Variants in ADCY1 observed in about 807,000 individuals in gnomAD.
The protein encoded by ADCY1 is adenylate cyclase 1, also known as adenylate cyclase type 1.
In ADCY1, 28 loss-of-function variants were observed where a neutral mutation model predicts 105.4. The ratio of observed to expected loss-of-function variants is 0.27; its 90% CI spans 0.20 to 0.36. The LOEUF is 0.36. Ranked by LOEUF, ADCY1 falls within the 10% of genes least tolerant of loss-of-function variation. ADCY1 has a pLI of 1.00. For missense variants in ADCY1, 977 were observed against 1,434.2 expected (o/e 0.68, Z 5.15); for synonymous variants, 655 against 623.8 (o/e 1.05, Z -0.75).
At chr7:45,628,003 C>G (rs1186995469) in intron 4 of ADCY1, among the ~76,000 whole-genome samples, 1 of 152,148 alleles carries the variant, frequency 6.6e-6, no homozygotes, top group Non-Finnish European at 1.5e-5. Context: ...ATGAGGCTGC[C>G]CCTGGCAGGC....
Position 45,575,300 on chromosome 7 carries a change from G to A in ADCY1, c.639+118G>A. 1.5e-6 allele frequency: 2 copies of A among 1,293,432 alleles called. No homozygotes were observed. Among genetic ancestry groups the A allele is most frequent in the Non-Finnish European group, 2.1e-6 (2 of 966,316 alleles). 80.1% of individuals were successfully genotyped at this position (1,293,432 alleles called of 1,614,324 possible). A position where few individuals can be genotyped will look rare whatever the true frequency, so the allele number is the denominator to read the frequency against. On this transcript the variant is annotated intron_variant, in intron 1 of 19. Coordinates refer to ENST00000297323, the MANE Select transcript of ADCY1 (RefSeq NM_021116.4). This position sits in a 1 kb window ranked among gnomAD's most constrained non-coding sequence, Gnocchi z 4.7. ...CGGCGGGTGGGGACACTGAGGCTCC[G>A]AGTGGGGGTGTGTTCAAGGTCACTC...
Position 45,592,757 on chromosome 7 carries a change from A to G in ADCY1, c.640-2A>G. ...ACATGTTGCCTCCTTCTCTCCCTGC[A>G]GCTCGGTGCCAATGCCTTGCTCTTC... On this transcript the variant is annotated splice_acceptor_variant, in intron 1 of 19. Coordinates refer to ENST00000297323, the MANE Select transcript of ADCY1 (RefSeq NM_021116.4). LOFTEE classifies it high-confidence loss of function. 1 of 1,614,120 alleles carries G rather than the reference A, an allele frequency of 6.2e-7. No homozygotes were observed. The highest frequency in any genetic ancestry group is 8.5e-7 in the Non-Finnish European group (1 of 1,180,000).
At chr7:45,633,165 G>A (rs1409787769) in intron 4 of ADCY1, among the ~76,000 whole-genome samples, 1 of 152,176 alleles carries the variant, frequency 6.6e-6, no homozygotes, top group Non-Finnish European at 1.5e-5. Flanking sequence ...TGATCCACCT[G>A]CCTCGGTCTT....
intron 1 of ADCY1, among the ~76,000 whole-genome samples, chr7:45,590,130 G>A (rs1034788364): frequency 1.3e-5 from 2 of 152,126 alleles, no homozygotes; most frequent in African/African-American, 4.8e-5. Context: ...CAGCCTCCAC[G>A]GGCTGCTAGC....
chr7:45,578,797 T>G (rs561698330), intron 1 of ADCY1, among the ~76,000 whole-genome samples: 1 of 152,256 alleles, frequency 6.6e-6, no homozygotes, highest in East Asian at 1.9e-4. Flanking sequence ...GCTCTGAGCT[T>G]CCTCCCTTTG....
intron 14 of ADCY1, among the ~76,000 whole-genome samples, chr7:45,689,342 A>G (rs933662968): frequency 1.3e-5 from 2 of 152,298 alleles, no homozygotes; most frequent in African/African-American, 4.8e-5. Context: ...TGGGTTATTT[A>G]TAAAGAAAAG....
rs1785203684 is a variant in ADCY1, at chr7:45,710,442, A to G, written c.2933-86A>G. The G allele has an allele frequency of 1.3e-6, 2 of 1,540,348 alleles. No individual in the cohort carries two copies. The highest frequency in any genetic ancestry group is 2.7e-5 in the African/African-American group (2 of 72,730). On this transcript the variant is annotated intron_variant, in intron 18 of 19. Coordinates refer to ENST00000297323, the MANE Select transcript of ADCY1 (RefSeq NM_021116.4). This position sits in a 1 kb window ranked among gnomAD's most constrained non-coding sequence, Gnocchi z 4.7. ...AAGGAGCAGCCTTTTCTCCACCAGG[A>G]GCAGCATCAGGTGCATTTGGTGGCC...
intron 4 of ADCY1, among the ~76,000 whole-genome samples, chr7:45,632,281 C>T (rs1257306195): frequency 6.6e-6 from 1 of 152,086 alleles, no homozygotes; most frequent in African/African-American, 2.4e-5. Flanking sequence ...TGTTCTTTTT[C>T]AAAGTGATTT....
At chr7:45,628,359 A>G (rs893514148) in intron 4 of ADCY1, among the ~76,000 whole-genome samples, 6 of 152,058 alleles carry the variant, frequency 3.9e-5, no homozygotes, top group African/African-American at 1.4e-4. Flanking sequence ...ATCCATCTCC[A>G]TGCTCCTGCC....
intron 4 of ADCY1, among the ~76,000 whole-genome samples, chr7:45,630,156 G>T (rs1259852134): frequency 6.6e-6 from 1 of 152,002 alleles, no homozygotes; most frequent in Non-Finnish European, 1.5e-5. Context: ...AGCATTCTTT[G>T]TATGTTCTAC....
At chr7:45,680,425 GTCCTGCA>G (rs1370941436) in intron 11 of ADCY1, 2 of 152,808 alleles carry the variant, frequency 1.3e-5, no homozygotes, top group African/African-American at 4.8e-5. Flanking sequence ...ATAGTTCCTA[GTCCTGCA>G]TTCCTTCATC....
intron 5 of ADCY1, among the ~76,000 whole-genome samples, chr7:45,653,214 T>C (rs1794857061): frequency 6.6e-6 from 1 of 152,218 alleles, no homozygotes; most frequent in Non-Finnish European, 1.5e-5. Flanking sequence ...TGTGTGACCC[T>C]GGACATGTTC....
intron 2 of ADCY1, among the ~76,000 whole-genome samples, chr7:45,597,008 A>T (rs1359974889): frequency 6.6e-6 from 1 of 152,280 alleles, no homozygotes; most frequent in South Asian, 2.1e-4. Context: ...CTTTGTGAGT[A>T]GGGAGAGCAT....
intron 18 of ADCY1, among the ~76,000 whole-genome samples, chr7:45,709,356 G>T (rs529034704): frequency 6.6e-5 from 10 of 152,344 alleles, no homozygotes; most frequent in African/African-American, 2.4e-4. Context: ...GGCAAGCCCA[G>T]CCCTGTGTCT....
chr7:45,676,876 G>A (rs138973609), intron 8 of ADCY1, among the ~76,000 whole-genome samples: 178 of 151,384 alleles, frequency 1.2e-3, no homozygotes, highest in Middle Eastern at 6.8e-3. Flanking sequence ...GCTACAATAG[G>A]GTGGTTATTG....
At chr7:45,597,112 GC>G (rs1304369617) in intron 2 of ADCY1, among the ~76,000 whole-genome samples, 1 of 152,156 alleles carries the variant, frequency 6.6e-6, no homozygotes, top group Non-Finnish European at 1.5e-5. Context: ...CCCACTGAAT[GC>G]CTGGGTTTGC....
Position 45,579,621 on chromosome 7 carries a change from G to A in ADCY1, c.639+4439G>A, listed in dbSNP as rs1792462686. 2.0e-5 allele frequency among the ~76,000 whole-genome samples: 3 copies of A among 152,224 alleles called. No individual in the cohort carries two copies. The South Asian group carries it at 6.2e-4, about 32-fold the overall frequency. ...GCCTACAGCGACAGGGCTAGGGTTA[G>A]AGCCGGGTCAGGGAGGGTAAGAGGT... On this transcript the variant is annotated intron_variant, in intron 1 of 19. Transcript: ENST00000297323.
intron 4 of ADCY1, among the ~76,000 whole-genome samples, chr7:45,642,474 A>G (rs1794551880): frequency 6.6e-6 from 1 of 152,184 alleles, no homozygotes; most frequent in Non-Finnish European, 1.5e-5. Context: ...AGTCTTTAAC[A>G]GTGCCCCTCC....
chr7:45,676,091 G>T (rs1271613430), intron 8 of ADCY1, among the ~76,000 whole-genome samples: 2 of 151,394 alleles, frequency 1.3e-5, no homozygotes, highest in Admixed American at 6.6e-5. Context: ...GTTCAGATTG[G>T]ATAATTTCTG....
Sources: allele counts gnomAD v4.1 joint callset (sites outside exome capture counted in the v4.1 genomes callset), GRCh38; gene constraint gnomAD v4.1.1; non-coding constraint Gnocchi (gnomAD v3.1); transcripts MANE v1.5; gene names NCBI Gene and HGNC (gene_info 2026-07-23, HGNC 2026-07-21).